The following FNDC3B variants were observed in gnomAD, a reference collection of about 807,000 sequenced individuals.
FNDC3B encodes the protein fibronectin type III domain containing 3B.
A neutral mutation model predicts 151.5 loss-of-function variants in FNDC3B; 12 were observed. The observed-to-expected ratio is 0.08, with a 90% confidence interval of 0.05 to 0.13. The LOEUF is 0.13. Ranked by LOEUF, FNDC3B falls within the 10% of genes least tolerant of loss-of-function variation. The pLI is 1.00. For missense variants in FNDC3B, 1,214 were observed against 1,505.3 expected (o/e 0.81, Z 3.20); for synonymous variants, 528 against 549.0 (o/e 0.96, Z 0.54).
intron 3 of FNDC3B, among the ~76,000 whole-genome samples, chr3:172,144,994 C>T (rs1427388972): frequency 1.3e-5 from 2 of 151,940 alleles, no homozygotes; most frequent in Admixed American, 6.5e-5. Flanking sequence ...ACCCTCCTCC[C>T]CCTACCACTT....
At chr3:172,162,948 A>C (rs1722848710) in intron 3 of FNDC3B, among the ~76,000 whole-genome samples, 1 of 152,222 alleles carries the variant, frequency 6.6e-6, no homozygotes, top group Non-Finnish European at 1.5e-5. Flanking sequence ...TGTGTCACAC[A>C]TACATAAGAA....
At chr3:172,077,571 C>G (rs1050352084) in intron 1 of FNDC3B, among the ~76,000 whole-genome samples, 4 of 152,080 alleles carry the variant, frequency 2.6e-5, no homozygotes, top group Non-Finnish European at 2.9e-5. Flanking sequence ...TAAACAAAGC[C>G]CCAGAACATT....
At chr3:172,085,929 C>G (rs554290520) in intron 1 of FNDC3B, among the ~76,000 whole-genome samples, 6 of 152,184 alleles carry the variant, frequency 3.9e-5, no homozygotes, top group Non-Finnish European at 7.3e-5. Flanking sequence ...TATACATAGT[C>G]TCTATTCTAG....
At chr3:172,057,534 G>A (rs562096475) in intron 1 of FNDC3B, among the ~76,000 whole-genome samples, 23 of 152,096 alleles carry the variant, frequency 1.5e-4, no homozygotes, top group South Asian at 1.4e-3. Context: ...AAAGGGGTTG[G>A]GGGGAAGAAC....
chr3:172,106,470 C>T (rs62283815), intron 1 of FNDC3B, among the ~76,000 whole-genome samples: 8,251 of 152,266 alleles, frequency 0.054, 356 homozygotes, highest in East Asian at 0.23. Context: ...GATGGGTATA[C>T]TTTGTTCCTT....
chr3:172,330,668 C>A lies in FNDC3B; in HGVS notation c.1507C>A (p.Pro503Thr). 2.5e-6 allele frequency: 4 copies of A among 1,614,048 alleles called. No individual in the cohort carries two copies. The highest frequency in any genetic ancestry group is 2.5e-6 in the Non-Finnish European group (3 of 1,179,950). Reference protein sequence around the residue: ...LQWSKPEGCSPEEVITYTLEI... With the variant: ...LQWSKPEGCSTEEVITYTLEI... ...GTGGAGTAAGCCAGAAGGCTGTTCA[C>A]CCGAGGAAGTGATCACCTACACCTT... The change falls in exon 13 of 26, where the codon CCC becomes ACC. Residue 503 changes from proline (P) to threonine (T), a missense_variant. Pro to Thr is a conservative substitution (Grantham distance 38, BLOSUM62 -1). This residue lies in a region of FNDC3B where 111 missense variants were observed against 96.8 expected (regional missense o/e 1.15). Transcript: ENST00000415807.
intron 23 of FNDC3B, among the ~76,000 whole-genome samples, chr3:172,365,556 C>T (rs1199464272): frequency 6.6e-6 from 1 of 152,188 alleles, no homozygotes; most frequent in Non-Finnish European, 1.5e-5. Flanking sequence ...ACAACCCAAC[C>T]TAAAATTCAT....
chr3:172,138,209 C>A (rs1256595510), intron 3 of FNDC3B, among the ~76,000 whole-genome samples: 3 of 152,224 alleles, frequency 2.0e-5, no homozygotes, highest in Non-Finnish European at 4.4e-5. Flanking sequence ...AGAGGTAGCA[C>A]TACACAGTCT....
intron 25 of FNDC3B, among the ~76,000 whole-genome samples, chr3:172,390,538 C>T (rs1735954949): frequency 6.6e-6 from 1 of 150,912 alleles, no homozygotes; most frequent in Admixed American, 6.6e-5. Flanking sequence ...CGTTTGGGCT[C>T]ACTTTTTTTT....
At chr3:172,247,835 T>C in intron 5 of FNDC3B, 59 bp downstream of exon 5, 1 of 1,572,628 alleles carries the variant, frequency 6.4e-7, no homozygotes, top group Non-Finnish European at 8.7e-7. Flanking sequence ...GTTTCAATAG[T>C]TCAAGGCGGT....
intron 6 of FNDC3B, among the ~76,000 whole-genome samples, chr3:172,279,618 A>G (rs1729600300): frequency 6.6e-6 from 1 of 152,190 alleles, no homozygotes; most frequent in Admixed American, 6.5e-5. Context: ...AGGATGATTG[A>G]TATCTCAAGA....
chr3:172,315,446 C>CTGAA (rs956774255), intron 11 of FNDC3B, among the ~76,000 whole-genome samples: 1 of 152,176 alleles, frequency 6.6e-6, no homozygotes, highest in African/African-American at 2.4e-5. Flanking sequence ...CGATTTTCAC[C>CTGAA]TGAAACAGGT....
At position 172,045,457 on chromosome 3, in the gene FNDC3B, G is replaced by A. The variant is rs561588852; in HGVS notation, c.-29+5686G>A. Among the ~76,000 whole-genome samples the A allele has an allele frequency of 1.4e-4, 22 of 152,280 alleles. No individual in the cohort carries two copies. The South Asian group carries it at 3.7e-3, about 26-fold the overall frequency. ...GTGCAGTCTCTTAGAGGAACGTTCA[G>A]TACTGAATGATAAAGGAATAAGGTT... On this transcript the variant is annotated intron_variant, in intron 1 of 25. Transcript: ENST00000415807.
At chr3:172,186,171 A>C (rs1186332041) in intron 3 of FNDC3B, among the ~76,000 whole-genome samples, 2 of 152,222 alleles carry the variant, frequency 1.3e-5, no homozygotes, top group African/African-American at 2.4e-5. Flanking sequence ...TTCCATCAGT[A>C]GAACAAAAGC....
chr3:172,260,856 G>T (rs544661670), intron 6 of FNDC3B, among the ~76,000 whole-genome samples: 3 of 152,178 alleles, frequency 2.0e-5, no homozygotes, highest in Non-Finnish European at 2.9e-5. Flanking sequence ...TGAGCCCACA[G>T]AATGGGGTCT....
intron 3 of FNDC3B, among the ~76,000 whole-genome samples, chr3:172,169,449 T>C (rs930892374): frequency 6.6e-6 from 1 of 152,218 alleles, no homozygotes; most frequent in Admixed American, 6.5e-5. Flanking sequence ...AAATGCTTCC[T>C]AGAGTGATGT....
At chr3:172,097,823 G>C (rs1239427837) in intron 1 of FNDC3B, among the ~76,000 whole-genome samples, 1 of 152,150 alleles carries the variant, frequency 6.6e-6, no homozygotes, top group African/African-American at 2.4e-5. Context: ...GATGGGCATG[G>C]ATACACATAT....
intron 3 of FNDC3B, among the ~76,000 whole-genome samples, chr3:172,144,709 T>G (rs529268945): frequency 7.4e-4 from 29 of 39,224 alleles, no homozygotes; most frequent in African/African-American, 1.9e-3. Context: ...AAGGCAAACT[T>G]TTTTTTTTTT....
chr3:172,068,688 A>G (rs75211862), intron 1 of FNDC3B, among the ~76,000 whole-genome samples: 1 of 152,020 alleles, frequency 6.6e-6, no homozygotes, highest in Non-Finnish European at 1.5e-5. Flanking sequence ...GCCTCCCAAA[A>G]TGCTGGGATT....
Sources: gnomAD v4.1 joint callset for allele counts (sites outside exome capture counted in the v4.1 genomes callset) on GRCh38, gnomAD v4.1.1 for gene constraint, gnomAD v4.1.1 regional missense constraint, MANE v1.5 for transcripts, NCBI Gene and HGNC (gene_info 2026-07-23, HGNC 2026-07-21) for gene names.